The following PIWIL3 variants were observed in gnomAD, a reference collection of about 807,000 sequenced individuals.
PIWIL3 encodes piwi like RNA-mediated gene silencing 3.
PIWIL3 carries 101 observed loss-of-function variants against 109.7 expected under a neutral mutation model. The ratio of observed to expected loss-of-function variants is 0.92; its 90% CI spans 0.78 to 1.09. The LOEUF (loss-of-function observed/expected upper bound fraction) is 1.09. PIWIL3 is among the 50% of genes least tolerant of loss of function. The pLI, the probability that PIWIL3 is intolerant of heterozygous loss-of-function variation, is 0.00. For missense variants in PIWIL3, 1,031 were observed against 1,072.6 expected (o/e 0.96, Z 0.54); for synonymous variants, 373 against 376.4 (o/e 0.99, Z 0.10).
At chr22:24,771,351 G>A (rs1926123294) in intron 1 of PIWIL3, among the ~76,000 whole-genome samples, 1 of 151,460 alleles carries the variant, frequency 6.6e-6, no homozygotes, top group East Asian at 2.0e-4. Flanking sequence ...GGTGGCGGGC[G>A]CCTGTAGTCC....
In PIWIL3 at chr22:24,723,264, A is replaced by T; in HGVS notation, c.2232-9T>A. 3 of 1,606,244 alleles carry T rather than the reference A, an allele frequency of 1.9e-6. No individual in the cohort carries two copies. The highest frequency in any genetic ancestry group is 2.6e-6 in the Non-Finnish European group (3 of 1,175,298). ...TGAAAGCTAGAGTGAAACTTAAAAA[A>T]ATTAGGGTAAGTGTCACTATGTTTA... On this transcript the variant is annotated splice_polypyrimidine_tract_variant and intron_variant, in intron 18 of 20. Coordinates refer to ENST00000616349, the MANE Select transcript of PIWIL3 (RefSeq NM_001255975.1).
At chr22:24,733,979 G>T in intron 14 of PIWIL3, 105 bp downstream of exon 14, 1 of 1,273,670 alleles carries the variant, frequency 7.9e-7, no homozygotes, top group Non-Finnish European at 1.0e-6. Flanking sequence ...TGCTTTCGTT[G>T]GCAAGTTCAG....
intron 14 of PIWIL3, among the ~76,000 whole-genome samples, chr22:24,729,656 T>C (rs1364059673): frequency 6.6e-6 from 1 of 152,228 alleles, no homozygotes; most frequent in Non-Finnish European, 1.5e-5. Context: ...ATGATGTTTA[T>C]AGGAAGTTTT....
intron 1 of PIWIL3, among the ~76,000 whole-genome samples, chr22:24,762,751 A>G (rs996640857): frequency 6.6e-6 from 1 of 152,188 alleles, no homozygotes; most frequent in African/African-American, 2.4e-5. Flanking sequence ...AGATGTGGAC[A>G]AAGACCACAT....
rs770338461 is a variant in PIWIL3 at position 24,748,904 on chromosome 22, T to TA, written c.1449+2dup. Reference sequence around the variant, plus strand: ...TGACATGATGATTTTGAAACTGTCTTACCATTCTTCTGCCTTGCACGATGT... The same window carrying TA: ...TGACATGATGATTTTGAAACTGTCTTAACCATTCTTCTGCCTTGCACGATGT... On this transcript the variant is annotated splice_region_variant and intron_variant, in intron 12 of 20. Transcript: ENST00000616349. 3 of 1,602,860 alleles carry TA rather than the reference T, an allele frequency of 1.9e-6. No individual in the cohort carries two copies. The highest frequency in any genetic ancestry group is 2.6e-6 in the Non-Finnish European group (3 of 1,173,364).
At chr22:24,762,953 A>G (rs1925527973) in intron 1 of PIWIL3, among the ~76,000 whole-genome samples, 1 of 151,982 alleles carries the variant, frequency 6.6e-6, no homozygotes, top group Non-Finnish European at 1.5e-5. Context: ...TTTCAGCCTC[A>G]GTTTTGGTGG....
intron 1 of PIWIL3, among the ~76,000 whole-genome samples, chr22:24,773,790 C>T (rs1926269673): frequency 6.7e-6 from 1 of 148,488 alleles, no homozygotes; most frequent in Non-Finnish European, 1.5e-5. Flanking sequence ...TCTTGGCTCA[C>T]TGCAACCTCC....
intron 1 of PIWIL3, among the ~76,000 whole-genome samples, chr22:24,770,615 G>A (rs1926077073): frequency 6.7e-6 from 1 of 148,242 alleles, no homozygotes; most frequent in South Asian, 2.1e-4. Context: ...CTGAGGTCAG[G>A]AGTTCGAGAC....
intron 4 of PIWIL3, among the ~76,000 whole-genome samples, chr22:24,757,065 G>A (rs1487061127): frequency 1.4e-4 from 14 of 98,010 alleles, no homozygotes; most frequent in Non-Finnish European, 2.4e-4. Flanking sequence ...GACAACAAGA[G>A]CTAAACTCCG....
At chr22:24,730,210 C>A (rs1923259749) in intron 14 of PIWIL3, among the ~76,000 whole-genome samples, 1 of 151,760 alleles carries the variant, frequency 6.6e-6, no homozygotes, top group Non-Finnish European at 1.5e-5. Context: ...ACTAAAAATA[C>A]AAAAATTATC....
chr22:24,759,647 A>G (rs971952200), intron 3 of PIWIL3, among the ~76,000 whole-genome samples: 5 of 152,220 alleles, frequency 3.3e-5, no homozygotes, highest in Admixed American at 1.3e-4. Flanking sequence ...ACTGGCCAAT[A>G]AACAGTGACC....
At chr22:24,758,876 C>G (rs544069859) in intron 3 of PIWIL3, among the ~76,000 whole-genome samples, 5 of 152,172 alleles carry the variant, frequency 3.3e-5, no homozygotes, top group African/African-American at 4.8e-5. Flanking sequence ...TAGCTTGGCA[C>G]CTTGGCACTC....
chr22:24,722,990 A>G (rs1922764705), intron 19 of PIWIL3, 140 bp downstream of exon 19: 2 of 931,888 alleles, frequency 2.1e-6, no homozygotes, highest in Non-Finnish European at 3.2e-6. Context: ...TCTCTGCCCA[A>G]TAGTAAAAAA....
intron 4 of PIWIL3, among the ~76,000 whole-genome samples, chr22:24,757,659 T>TACACACACAC (rs57298578): frequency 1.2e-4 from 13 of 109,878 alleles, no homozygotes; most frequent in South Asian, 3.3e-4. Flanking sequence ...ATGTATATAT[T>TACACACACAC]ACACACACAC....
intron 9 of PIWIL3, among the ~76,000 whole-genome samples, chr22:24,750,995 G>A (rs13054224): frequency 0.23 from 34,896 of 151,452 alleles, 4,706 homozygotes; most frequent in East Asian, 0.51. Flanking sequence ...GTGGTGGCAG[G>A]TGCCTGTAGT....
chr22:24,767,229 G>C (rs1601855502), intron 1 of PIWIL3, among the ~76,000 whole-genome samples: 2 of 151,680 alleles, frequency 1.3e-5, no homozygotes, highest in East Asian at 3.9e-4. Flanking sequence ...GCCTGAACCT[G>C]CTAAGCACTT....
At chr22:24,741,507 A>G (rs1924008752) in intron 12 of PIWIL3, among the ~76,000 whole-genome samples, 1 of 151,808 alleles carries the variant, frequency 6.6e-6, no homozygotes, top group Non-Finnish European at 1.5e-5. Context: ...TTGTTTCAAA[A>G]AAACAAAAAC....
At chr22:24,750,085 A>G (rs538850602) in intron 9 of PIWIL3, among the ~76,000 whole-genome samples, 1 of 152,284 alleles carries the variant, frequency 6.6e-6, no homozygotes, top group Admixed American at 6.5e-5. Flanking sequence ...CTACTCTAAC[A>G]TTGTATATGA....
At chr22:24,763,649 C>T (rs1018110177) in intron 1 of PIWIL3, among the ~76,000 whole-genome samples, 1 of 152,160 alleles carries the variant, frequency 6.6e-6, no homozygotes, top group Non-Finnish European at 1.5e-5. Flanking sequence ...CACACAGAGA[C>T]TCACAAGACA....
Sources: allele counts gnomAD v4.1 joint callset (sites outside exome capture counted in the v4.1 genomes callset), GRCh38; gene constraint gnomAD v4.1.1; transcripts MANE v1.5; gene names NCBI Gene and HGNC (gene_info 2026-07-23, HGNC 2026-07-21).